The following ANKS1B variants were observed in gnomAD, a reference collection of about 807,000 sequenced individuals.
ANKS1B encodes ankyrin repeat and sterile alpha motif domain-containing protein 1B.
ANKS1B carries 36 observed loss-of-function variants against 148.3 expected under a neutral mutation model. The ratio of observed to expected loss-of-function variants is 0.24; its 90% CI spans 0.19 to 0.32. The LOEUF (loss-of-function observed/expected upper bound fraction) is 0.32, where lower values mean the gene tolerates loss of function less well. Among genes scored for constraint, ANKS1B ranks in the 10% least tolerant of loss-of-function variants. The probability of loss-of-function intolerance (pLI) is 1.00; values close to 1 mark genes in which losing one functional copy is unlikely to be tolerated. For missense variants in ANKS1B, 1,157 were observed against 1,542.6 expected, an observed-to-expected ratio of 0.75 and a Z score of 4.19; for synonymous variants, 542 against 560.8, an observed-to-expected ratio of 0.97 and a Z score of 0.47.
At chr12:99,832,840 A>T (rs2084256348) in intron 1 of ANKS1B, among the ~76,000 whole-genome samples, 1 of 152,174 alleles carries the variant, frequency 6.6e-6, no homozygotes, top group Non-Finnish European at 1.5e-5. Context: ...GTTAATTAGG[A>T]TTCATTCACA....
intron 15 of ANKS1B, among the ~76,000 whole-genome samples, chr12:99,144,432 A>G (rs1380117349): frequency 6.6e-6 from 1 of 152,132 alleles, no homozygotes; most frequent in African/African-American, 2.4e-5. Flanking sequence ...CATTGATGAA[A>G]GAGATCCTTC....
chr12:99,112,952 C>T (rs1013679657), intron 15 of ANKS1B, among the ~76,000 whole-genome samples: 3 of 152,176 alleles, frequency 2.0e-5, no homozygotes, highest in Non-Finnish European at 4.4e-5. Context: ...CAATCCTCAG[C>T]ACCAAAGGGC....
At chr12:99,397,164 T>C (rs2094271933) in intron 12 of ANKS1B, among the ~76,000 whole-genome samples, 1 of 152,154 alleles carries the variant, frequency 6.6e-6, no homozygotes, top group Non-Finnish European at 1.5e-5. Context: ...GTTAATATCA[T>C]TGTTATTGCT....
chr12:98,968,144 C>G (rs1299447484), intron 17 of ANKS1B, among the ~76,000 whole-genome samples: 2 of 152,120 alleles, frequency 1.3e-5, no homozygotes, highest in African/African-American at 4.8e-5. Context: ...AAATGAGTAT[C>G]TCTGGGGCTG....
In ANKS1B at chr12:99,115,756, C is replaced by T. The variant is rs187603983; in HGVS notation, c.2527-30733G>A. On this transcript the variant is annotated intron_variant, in intron 15 of 26. Transcript: ENST00000683438. ...GACCAGCCTGACTAACATGGTGAAA[C>T]TCTGTCTCTACTTAAAAAATACAAA... is the stretch of plus-strand genomic sequence containing the variant. Among the ~76,000 whole-genome samples the T allele has an allele frequency of 5.1e-4, 77 of 152,072 alleles. 1 individual carries two copies. The East Asian group carries it at 0.013, about 25-fold the overall frequency.
intron 9 of ANKS1B, among the ~76,000 whole-genome samples, chr12:99,508,905 G>A (rs1193670569): frequency 6.6e-6 from 1 of 151,748 alleles, no homozygotes; most frequent in Admixed American, 6.6e-5. Context: ...AAGATTTATG[G>A]CAACCGGGCA....
intron 8 of ANKS1B, among the ~76,000 whole-genome samples, chr12:99,690,148 C>T (rs2098671209): frequency 6.6e-6 from 1 of 152,084 alleles, no homozygotes; most frequent in South Asian, 2.1e-4. Flanking sequence ...CATGAGAACT[C>T]ACTCACTATC....
At chr12:98,994,649 G>C (rs191559447) in intron 17 of ANKS1B, among the ~76,000 whole-genome samples, 2 of 152,214 alleles carry the variant, frequency 1.3e-5, no homozygotes, top group African/African-American at 4.8e-5. Flanking sequence ...CAGTTTTGGG[G>C]GTTAGAAGTC....
intron 17 of ANKS1B, among the ~76,000 whole-genome samples, chr12:98,899,763 C>T (rs1029171355): frequency 6.6e-6 from 1 of 152,178 alleles, no homozygotes; most frequent in South Asian, 2.1e-4. Flanking sequence ...CCATGTAAAG[C>T]ATTAACTATA....
intron 11 of ANKS1B, among the ~76,000 whole-genome samples, chr12:99,421,208 A>C (rs977720786): frequency 1.3e-5 from 2 of 152,250 alleles, no homozygotes; most frequent in African/African-American, 4.8e-5. Flanking sequence ...GTTAAATCAT[A>C]AGGCAGCCCT....
At chr12:99,213,701 T>A (rs2083697272) in intron 14 of ANKS1B, among the ~76,000 whole-genome samples, 1 of 152,324 alleles carries the variant, frequency 6.6e-6, no homozygotes, top group Admixed American at 6.5e-5. Flanking sequence ...TTTCACCAGT[T>A]CTAACATGCC....
chr12:98,857,491 G>T (rs1249868939), intron 17 of ANKS1B, among the ~76,000 whole-genome samples: 1 of 149,386 alleles, frequency 6.7e-6, no homozygotes, highest in Non-Finnish European at 1.5e-5. Context: ...TGGCTTTGGA[G>T]ATAAAAAGGG....
At chr12:99,386,269 T>A (rs1035781314) in intron 12 of ANKS1B, 4 of 152,198 alleles carry the variant, frequency 2.6e-5, no homozygotes, top group Non-Finnish European at 4.4e-5. Flanking sequence ...CACCTACACA[T>A]GTAAGTGAGA....
At chr12:98,896,859 G>C (rs556072166) in intron 17 of ANKS1B, among the ~76,000 whole-genome samples, 1 of 152,248 alleles carries the variant, frequency 6.6e-6, no homozygotes, top group South Asian at 2.1e-4. Flanking sequence ...GTGTTTTCTT[G>C]GTTTCCCAAT....
chr12:99,593,255 T>C (rs1327377519), intron 9 of ANKS1B, among the ~76,000 whole-genome samples: 1 of 151,966 alleles, frequency 6.6e-6, no homozygotes. Flanking sequence ...GGGGGTCTTA[T>C]AATTTTATTT....
chr12:99,388,414 T>A (rs901943293), intron 12 of ANKS1B, among the ~76,000 whole-genome samples: 1 of 152,170 alleles, frequency 6.6e-6, no homozygotes, highest in Non-Finnish European at 1.5e-5. Flanking sequence ...GTGACAGTTT[T>A]AAAATCCTTC....
chr12:99,348,343 C>T (rs1566937298), intron 12 of ANKS1B, among the ~76,000 whole-genome samples: 1 of 151,604 alleles, frequency 6.6e-6, no homozygotes, highest in Non-Finnish European at 1.5e-5. Context: ...TTGATAGTTA[C>T]CCCCTACCTG....
intron 1 of ANKS1B, among the ~76,000 whole-genome samples, chr12:99,895,296 G>C: frequency 6.7e-6 from 1 of 150,352 alleles, no homozygotes; most frequent in Non-Finnish European, 1.5e-5. Context: ...CAGAGAAACA[G>C]AACCAACGGG....
rs370182163 is a variant in ANKS1B, at chr12:99,149,074, G to A, written c.2526+5215C>T. Among the ~76,000 whole-genome samples the A allele has an allele frequency of 2.6e-5, 4 of 151,454 alleles. No individual in the cohort carries two copies. In the South Asian group the frequency reaches 6.3e-4, roughly 24 times the overall value. ...AACAAGAAATTATCACGGGGGGAGGGGGGTGACTAATCTCACCTTTTAAGG... is the reference window on the plus strand; with the variant it reads ...AACAAGAAATTATCACGGGGGGAGGAGGGTGACTAATCTCACCTTTTAAGG... On this transcript the variant is annotated intron_variant, in intron 15 of 26. Coordinates refer to ENST00000683438, the MANE Select transcript of ANKS1B (RefSeq NM_001352186.2).
Sources: allele counts gnomAD v4.1 joint callset (sites outside exome capture counted in the v4.1 genomes callset), GRCh38; gene constraint gnomAD v4.1.1; transcripts MANE v1.5; gene names NCBI Gene and HGNC (gene_info 2026-07-23, HGNC 2026-07-21).